Variants in CAPZA1 observed in about 807,000 individuals in gnomAD.
CAPZA1 encodes the protein F-actin-capping protein subunit alpha-1.
A neutral mutation model predicts 40.8 loss-of-function variants in CAPZA1; 10 were observed. That is an observed-to-expected ratio of 0.25 (90% CI 0.15 to 0.42). The LOEUF (loss-of-function observed/expected upper bound fraction) is 0.42, where lower values mean the gene tolerates loss of function less well. CAPZA1 is among the 10% of genes least tolerant of loss of function. The pLI is 1.00. For missense variants in CAPZA1, 277 were observed against 353.8 expected, an observed-to-expected ratio of 0.78 and a Z score of 1.74; for synonymous variants, 98 against 115.0, an observed-to-expected ratio of 0.85 and a Z score of 0.95.
intron 1 of CAPZA1, among the ~76,000 whole-genome samples, chr1:112,627,675 A>T (rs1670841493): frequency 7.3e-6 from 1 of 136,160 alleles, no homozygotes; most frequent in South Asian, 2.4e-4. Flanking sequence ...AAGAAGGGCC[A>T]GGCGTAGTGG....
intron 1 of CAPZA1, chr1:112,634,929 T>C (rs1670987047): frequency 6.6e-6 from 1 of 152,178 alleles, no homozygotes; most frequent in Admixed American, 6.5e-5. Context: ...CTCATAATAA[T>C]CTTTAAAACT....
chr1:112,667,912 A>C (rs12048528), intron 8 of CAPZA1, among the ~76,000 whole-genome samples: 119,233 of 151,988 alleles, frequency 0.78, 46,995 homozygotes, highest in South Asian at 0.88. Context: ...TCTTTAAGTT[A>C]TTAGAAGTTA....
intron 1 of CAPZA1, among the ~76,000 whole-genome samples, chr1:112,630,398 C>A (rs1670897817): frequency 6.6e-6 from 1 of 152,030 alleles, no homozygotes; most frequent in African/African-American, 2.4e-5. Flanking sequence ...GGCTGGAGTG[C>A]AGTGGTGCCA....
At chr1:112,656,027 T>C (rs1372319767) in intron 5 of CAPZA1, among the ~76,000 whole-genome samples, 2 of 152,230 alleles carry the variant, frequency 1.3e-5, no homozygotes, top group Admixed American at 1.3e-4. Context: ...GAAATATGTA[T>C]ACATTGTGGA....
intron 1 of CAPZA1, among the ~76,000 whole-genome samples, chr1:112,625,231 A>G (rs1254840011): frequency 1.3e-5 from 2 of 151,924 alleles, no homozygotes; most frequent in African/African-American, 2.4e-5. Context: ...GGAACATTTG[A>G]CCCCTCTGGG....
intron 1 of CAPZA1, among the ~76,000 whole-genome samples, chr1:112,639,791 C>T (rs1398812386): frequency 1.4e-5 from 2 of 145,602 alleles, no homozygotes; most frequent in African/African-American, 2.5e-5. Flanking sequence ...GTGAGGGGCG[C>T]CTCTGCCCGG....
chr1:112,630,545 A>T (rs999455508), intron 1 of CAPZA1, among the ~76,000 whole-genome samples: 1 of 151,966 alleles, frequency 6.6e-6, no homozygotes, highest in African/African-American at 2.4e-5. Context: ...GGGTTTCACC[A>T]TCTTGGCCAG....
At chr1:112,651,561 A>C (rs975971945) in intron 3 of CAPZA1, among the ~76,000 whole-genome samples, 1 of 152,192 alleles carries the variant, frequency 6.6e-6, no homozygotes, top group African/African-American at 2.4e-5. Flanking sequence ...GATCACCCCA[A>C]GTTTTTGGCT....
At chr1:112,660,557 GGC>G (rs1218996378) in intron 7 of CAPZA1, among the ~76,000 whole-genome samples, 9 of 152,278 alleles carry the variant, frequency 5.9e-5, no homozygotes, top group Middle Eastern at 3.4e-3. Flanking sequence ...TGGGATTACA[GGC>G]GTGAGCCACT....
At chr1:112,649,570 A>G (rs1671345772) in intron 3 of CAPZA1, 101 bp downstream of exon 3, 1 of 958,732 alleles carries the variant, frequency 1.0e-6, no homozygotes, top group South Asian at 1.5e-5. Flanking sequence ...AAATACTTCA[A>G]AGTAAAGCAG....
At chr1:112,669,298 G>A (rs192673420) in intron 8 of CAPZA1, among the ~76,000 whole-genome samples, 4 of 152,294 alleles carry the variant, frequency 2.6e-5, no homozygotes, top group African/African-American at 7.2e-5. Flanking sequence ...TTCAAAAGCT[G>A]TATAATTCTG....
chr1:112,636,542 C>T (rs890621178), intron 1 of CAPZA1, among the ~76,000 whole-genome samples: 5 of 151,780 alleles, frequency 3.3e-5, no homozygotes, highest in Non-Finnish European at 5.9e-5. Flanking sequence ...GGAGTTACAC[C>T]GTTTAGTGTA....
intron 7 of CAPZA1, among the ~76,000 whole-genome samples, chr1:112,662,687 T>C (rs1038379588): frequency 3.3e-5 from 5 of 152,100 alleles, no homozygotes; most frequent in African/African-American, 9.7e-5. Flanking sequence ...CGTGAGCCAC[T>C]GCGCCTGGCC....
intron 2 of CAPZA1, among the ~76,000 whole-genome samples, chr1:112,648,479 G>A (rs993029560): frequency 2.0e-5 from 3 of 149,836 alleles, no homozygotes; most frequent in East Asian, 2.0e-4. Context: ...ACCACACTTC[G>A]CTAATTTTTT....
intron 2 of CAPZA1, among the ~76,000 whole-genome samples, chr1:112,647,676 A>AC (rs1671307859): frequency 6.6e-6 from 1 of 152,196 alleles, no homozygotes; most frequent in South Asian, 2.1e-4. Flanking sequence ...GGCTGAACGG[A>AC]CTATATCTGG....
intron 9 of CAPZA1, 51 bp downstream of exon 9, chr1:112,669,656 C>A: frequency 3.1e-6 from 4 of 1,304,534 alleles, no homozygotes; most frequent in Non-Finnish European, 4.4e-6. Flanking sequence ...TATTATTTCG[C>A]TGTTAGCATA....
At position 112,654,677 on chromosome 1, in the gene CAPZA1, G is replaced by GTATCTGACTGCTTCGTTAAT; in HGVS notation, c.426+24_426+25insATTATCTGACTGCTTCGTTA. 6.4e-7 allele frequency: 1 copy of GTATCTGACTGCTTCGTTAAT among 1,564,390 alleles called. No homozygotes were observed. Among genetic ancestry groups the GTATCTGACTGCTTCGTTAAT allele is most frequent in the Non-Finnish European group, 8.7e-7 (1 of 1,149,414 alleles). On this transcript the variant is annotated splice_region_variant and intron_variant, in intron 5 of 9. Coordinates refer to ENST00000263168, the MANE Select transcript of CAPZA1 (RefSeq NM_006135.3). ...ATTCCAACGGCTTCTGTACTGTTAA[G>GTATCTGACTGCTTCGTTAAT]TATCTGACTGCTTCGTTATCAGAGA...
In CAPZA1 at chr1:112,624,965, C is replaced by T. The variant is rs552948205; in HGVS notation, c.39+5082C>T. 6.6e-5 allele frequency among the ~76,000 whole-genome samples: 10 copies of T among 152,302 alleles called. 1 individual carries two copies. In the South Asian group the frequency reaches 1.7e-3, roughly 25 times the overall value. ...GATAATTGAAACCATGTCTCTTTAT[C>T]TAGTGCCTAGCATAGTGCCAAGCAC... On this transcript the variant is annotated intron_variant, in intron 1 of 9. Coordinates refer to ENST00000263168, the MANE Select transcript of CAPZA1 (RefSeq NM_006135.3).
At chr1:112,664,246 A>C (rs1048910947) in intron 7 of CAPZA1, among the ~76,000 whole-genome samples, 1 of 151,668 alleles carries the variant, frequency 6.6e-6, no homozygotes, top group Non-Finnish European at 1.5e-5. Flanking sequence ...AAAAAAAAAA[A>C]AAAGATACTT....
Sources: gnomAD v4.1 joint callset for allele counts (sites outside exome capture counted in the v4.1 genomes callset) on GRCh38, gnomAD v4.1.1 for gene constraint, MANE v1.5 for transcripts, NCBI Gene and HGNC (gene_info 2026-07-23, HGNC 2026-07-21) for gene names.